AFF3: variants seen among roughly 807,000 people sequenced by gnomAD.
AFF3 encodes ALF transcription elongation factor 3, also known as AF4/FMR2 family member 3.
Under a neutral mutation model 129.7 loss-of-function variants are expected in AFF3, and 32 were observed. That is an observed-to-expected ratio of 0.25 (90% confidence interval 0.19 to 0.33). AFF3 has a LOEUF of 0.33. Among genes scored for constraint, AFF3 ranks in the 10% least tolerant of loss-of-function variants. The probability of loss-of-function intolerance (pLI) is 1.00; values close to 1 mark genes in which losing one functional copy is unlikely to be tolerated. For synonymous variants in AFF3, 644 were observed against 635.4 expected (o/e 1.01, Z -0.20); for missense variants, 1,373 against 1,592.0 (o/e 0.86, Z 2.34).
At chr2:100,085,467 A>C (rs1689348030) in intron 4 of AFF3, among the ~76,000 whole-genome samples, 1 of 150,892 alleles carries the variant, frequency 6.6e-6, no homozygotes, top group African/African-American at 2.4e-5. Context: ...TCTTTCACTG[A>C]GCTCCCAAAA....
chr2:100,106,310 C>T, intron 2 of AFF3: 1 of 1,165,038 alleles, frequency 8.6e-7, no homozygotes, highest in Non-Finnish European at 1.1e-6. Flanking sequence ...AAAAACCCCT[C>T]TCATTAGCTG....
intron 7 of AFF3, chr2:100,006,241 A>T (rs972845192): frequency 6.3e-6 from 1 of 159,176 alleles, no homozygotes; most frequent in Non-Finnish European, 1.4e-5. Context: ...TTAAATAGGT[A>T]AATAGATACT....
intron 4 of AFF3, among the ~76,000 whole-genome samples, chr2:100,024,231 CAAAAAAAAA>C (rs56368025): frequency 1.8e-5 from 1 of 56,044 alleles, no homozygotes; most frequent in African/African-American, 7.6e-5. Flanking sequence ...GACTCCGTCT[CAAAAAAAAA>C]AAAAAAAAAA....
At chr2:99,805,658 C>T (rs1686283156) in intron 8 of AFF3, among the ~76,000 whole-genome samples, 2 of 152,184 alleles carry the variant, frequency 1.3e-5, no homozygotes, top group East Asian at 1.9e-4. Flanking sequence ...TACTCCTCTT[C>T]AGACCTGCCT....
intron 13 of AFF3, among the ~76,000 whole-genome samples, chr2:99,602,299 GAC>G (rs1320614684): frequency 1.3e-5 from 2 of 152,142 alleles, no homozygotes; most frequent in Non-Finnish European, 2.9e-5. Context: ...ATCCCTCACT[GAC>G]ACACTTTCGT....
intron 11 of AFF3, among the ~76,000 whole-genome samples, chr2:99,725,220 C>T (rs1346347924): frequency 1.3e-5 from 2 of 151,942 alleles, no homozygotes; most frequent in South Asian, 4.2e-4. Flanking sequence ...TGATCCGCCC[C>T]CCTTGGCCTC....
chr2:99,588,681 C>G (rs1047503537), intron 15 of AFF3, among the ~76,000 whole-genome samples: 1 of 152,114 alleles, frequency 6.6e-6, no homozygotes, highest in Non-Finnish European at 1.5e-5. Context: ...GCCACAGGGG[C>G]TCCCAGATGC....
chr2:99,836,168 G>C (rs1308263633), intron 8 of AFF3, among the ~76,000 whole-genome samples: 1 of 152,252 alleles, frequency 6.6e-6, no homozygotes, highest in South Asian at 2.1e-4. Flanking sequence ...TTCTACTTAG[G>C]GAAACCAAAG....
At chr2:99,981,084 C>T (rs550256252) in intron 7 of AFF3, among the ~76,000 whole-genome samples, 237 of 152,258 alleles carry the variant, frequency 1.6e-3, no homozygotes, top group African/African-American at 5.2e-3. Context: ...GGCGTGATCT[C>T]GGCTCACTGC....
intron 11 of AFF3, among the ~76,000 whole-genome samples, chr2:99,673,994 C>T (rs932702136): frequency 6.6e-6 from 1 of 152,170 alleles, no homozygotes; most frequent in Non-Finnish European, 1.5e-5. Flanking sequence ...AATATGCTCC[C>T]CAGTTTCGTC....
intron 12 of AFF3, among the ~76,000 whole-genome samples, chr2:99,662,654 T>C (rs1180750918): frequency 6.6e-6 from 1 of 152,186 alleles, no homozygotes; most frequent in Non-Finnish European, 1.5e-5. Context: ...GCAAAAACTG[T>C]CTAGCTCTTG....
chr2:99,576,914 G>C (rs1478519735), intron 18 of AFF3, among the ~76,000 whole-genome samples: 2 of 152,122 alleles, frequency 1.3e-5, no homozygotes, highest in Non-Finnish European at 2.9e-5. Flanking sequence ...TGCCCTCCCT[G>C]GGGGGTTAAT....
intron 8 of AFF3, among the ~76,000 whole-genome samples, chr2:99,803,067 C>T (rs1686077392): frequency 6.6e-6 from 1 of 151,998 alleles, no homozygotes; most frequent in Admixed American, 6.6e-5. Context: ...CAACTTTTCC[C>T]CATTCAGTAT....
intron 21 of AFF3, among the ~76,000 whole-genome samples, chr2:99,559,899 A>G (rs1675311098): frequency 6.6e-6 from 1 of 152,270 alleles, no homozygotes; most frequent in South Asian, 2.1e-4. Flanking sequence ...ATGAGTAAGA[A>G]AGGGCTGACA....
intron 7 of AFF3, among the ~76,000 whole-genome samples, chr2:99,943,242 C>G (rs867026143): frequency 6.6e-6 from 1 of 152,142 alleles, no homozygotes; most frequent in Non-Finnish European, 1.5e-5. Flanking sequence ...GCAACCTGCC[C>G]CCTTACTCCA....
At chr2:99,719,329 C>T (rs114913198) in intron 11 of AFF3, among the ~76,000 whole-genome samples, 1 of 152,050 alleles carries the variant, frequency 6.6e-6, no homozygotes, top group African/African-American at 2.4e-5. Context: ...TATTTTCATG[C>T]GTCACTGAAT....
intron 13 of AFF3, among the ~76,000 whole-genome samples, chr2:99,616,448 C>T (rs1463901270): frequency 6.6e-6 from 1 of 152,024 alleles, no homozygotes; most frequent in African/African-American, 2.4e-5. Context: ...ACAACTATCA[C>T]CATGATCTAA....
At chr2:99,682,640 G>A (rs1333428243) in intron 11 of AFF3, among the ~76,000 whole-genome samples, 1 of 152,186 alleles carries the variant, frequency 6.6e-6, no homozygotes, top group Non-Finnish European at 1.5e-5. Context: ...AGTGTGCTGG[G>A]TTTTCTGTCT....
intron 9 of AFF3, 52 bp downstream of exon 9, chr2:99,752,169 G>A: frequency 7.3e-6 from 11 of 1,496,888 alleles, no homozygotes; most frequent in Non-Finnish European, 1.0e-5. Flanking sequence ...CTGCCCACTA[G>A]AAATGCCTGC....
Sources: gnomAD v4.1 joint callset for allele counts (sites outside exome capture counted in the v4.1 genomes callset) on GRCh38, gnomAD v4.1.1 for gene constraint, MANE v1.5 for transcripts, NCBI Gene and HGNC (gene_info 2026-07-23, HGNC 2026-07-21) for gene names.